UBAP2L: variants seen among roughly 807,000 people sequenced by gnomAD.
UBAP2L encodes the protein ubiquitin-associated protein 2-like.
A neutral mutation model predicts 130.6 loss-of-function variants in UBAP2L; 12 were observed. The observed-to-expected ratio is 0.09, with a 90% CI of 0.06 to 0.15. The LOEUF (loss-of-function observed/expected upper bound fraction) is 0.15. UBAP2L is among the 10% of genes least tolerant of loss of function. The pLI is 1.00. For synonymous variants in UBAP2L, 503 were observed against 524.7 expected (o/e 0.96, Z 0.57); for missense variants, 965 against 1,332.5 (o/e 0.72, Z 4.29).
At chr1:154,232,600 T>C (rs994500024) in intron 4 of UBAP2L, among the ~76,000 whole-genome samples, 2 of 152,138 alleles carry the variant, frequency 1.3e-5, no homozygotes. Context: ...TTAGGAAATA[T>C]AGGGAGAACA....
intron 1 of UBAP2L, 24 bp downstream of exon 1, chr1:154,220,999 T>G (rs1226238856): frequency 5.2e-6 from 1 of 193,394 alleles, no homozygotes; most frequent in Admixed American, 6.3e-5. Flanking sequence ...CGCAGCGGCG[T>G]TGGCGGCGGC....
chr1:154,271,000 T>C (rs1684647153), downstream of UBAP2L: 2 of 1,495,784 alleles, frequency 1.3e-6, no homozygotes, highest in Non-Finnish European at 1.8e-6. Flanking sequence ...CTTTAAGAAC[T>C]CCTGACCTTA....
At chr1:154,254,146 T>A in intron 15 of UBAP2L, 57 bp downstream of exon 15, 1 of 1,414,692 alleles carries the variant, frequency 7.1e-7, no homozygotes, top group Admixed American at 2.7e-5. Flanking sequence ...CAAAAATTCC[T>A]TAAATATTAG....
intron 2 of UBAP2L, 84 bp downstream of exon 2, chr1:154,225,297 T>C: frequency 1.4e-6 from 2 of 1,465,530 alleles, no homozygotes; most frequent in East Asian, 4.8e-5. Flanking sequence ...ATTCTGTGCT[T>C]TGAACTGTTG....
chr1:154,271,019 G>T, downstream of UBAP2L: 2 of 1,401,506 alleles, frequency 1.4e-6, no homozygotes, highest in Non-Finnish European at 2.0e-6. Flanking sequence ...TAATGTGGTA[G>T]TAGTATCTTG....
downstream of UBAP2L, chr1:154,271,237 T>C (rs1684667740): frequency 9.3e-6 from 3 of 323,998 alleles, no homozygotes; most frequent in Non-Finnish European, 1.2e-5. Context: ...AAATGCTTTA[T>C]AGAGTTTTAA....
rs1205590 is a variant in UBAP2L at position 154,266,429 on chromosome 1, T to C, written c.2903-72T>C. 14,960 of 1,489,312 alleles carry C rather than the reference T, an allele frequency of 0.01. 1,245 individuals are homozygous for C. The African/African-American group carries it at 0.18, about 18-fold the overall frequency. 92.3% of individuals were successfully genotyped at this position (1,489,312 alleles called of 1,614,324 possible). A position where few individuals can be genotyped will look rare whatever the true frequency, so the allele number is the denominator to read the frequency against. ...GGTATAGCTAGAAAGGCTACAGATA[T>C]CACCTCATCTCAGGAATAAGGGCCA... On this transcript the variant is annotated intron_variant, in intron 24 of 26. Coordinates refer to ENST00000428931, the MANE Select transcript of UBAP2L (RefSeq NM_014847.4).
rs1324083945 is a variant in UBAP2L, at chr1:154,251,761, AG to A, written c.1664+113del. 5.4e-5 allele frequency: 68 copies of A among 1,267,002 alleles called. 1 individual carries two copies. In the Admixed American group the frequency reaches 1.4e-3, roughly 27 times the overall value. 78.5% of individuals were successfully genotyped at this position (1,267,002 alleles called of 1,614,324 possible). On this transcript the variant is annotated intron_variant, in intron 14 of 26. Coordinates refer to ENST00000428931, the MANE Select transcript of UBAP2L (RefSeq NM_014847.4). ...GAGGCCAAGCCCCTCTGCATGGCTG[AG>A]GGGGAAAGTAGTCAGTCATAGCATT...
chr1:154,255,579 G>T, intron 17 of UBAP2L, 104 bp from the exon 18 acceptor site: 1 of 1,350,502 alleles, frequency 7.4e-7, no homozygotes, highest in Non-Finnish European at 1.1e-6. Context: ...AGACCTCCTT[G>T]GTGTCCCATA....
At chr1:154,222,316 C>G (rs1328905453) in intron 1 of UBAP2L, among the ~76,000 whole-genome samples, 2 of 152,124 alleles carry the variant, frequency 1.3e-5, no homozygotes, top group African/African-American at 4.8e-5. Context: ...GCTTTGAGAT[C>G]TGTCTCCATT....
chr1:154,220,197 A>G, upstream of UBAP2L: 4 of 1,039,886 alleles, frequency 3.8e-6, no homozygotes, highest in African/African-American at 1.6e-5. Flanking sequence ...AGTGACTTAA[A>G]CTCCCACCTA....
At chr1:154,222,481 G>A (rs1666585113) in intron 1 of UBAP2L, among the ~76,000 whole-genome samples, 1 of 152,188 alleles carries the variant, frequency 6.6e-6, no homozygotes, top group African/African-American at 2.4e-5. Context: ...AATATTGCTG[G>A]CACATAAACT....
chr1:154,223,610 A>C (rs749830811), intron 1 of UBAP2L, among the ~76,000 whole-genome samples: 3 of 152,130 alleles, frequency 2.0e-5, no homozygotes, highest in Non-Finnish European at 4.4e-5. Flanking sequence ...TCTAGCTTGA[A>C]ATACTTATGG....
rs1181682423 is a variant in UBAP2L, at chr1:154,260,913, G to C, written c.2600G>C (p.Arg867Pro). ...PYSGDLTKFG[R>P]GDASSPAPAT... ...ACAGGTGACCTCACAAAGTTCGGCC[G>C]TGGGGATGCCTCCTCCCCAGCCCCG... Residue 867 changes from arginine (R) to proline (P), a missense_variant, in exon 23 of 27, where the codon CGT (arginine) becomes CCT (proline). Around this residue, in one of 9 missense-constraint regions of UBAP2L, gnomAD observed 194 missense variants for 334.0 expected, o/e 0.58. Transcript: ENST00000428931. The C allele has an allele frequency of 1.2e-6, 2 of 1,614,072 alleles. No homozygotes were observed. The highest frequency in any genetic ancestry group is 1.7e-6 in the Non-Finnish European group (2 of 1,180,040).
In UBAP2L at chr1:154,246,373, A is replaced by G; in HGVS notation, c.1012A>G (p.Met338Val). The change falls in exon 11 of 27, where the codon ATG (methionine) becomes GTG (valine). Residue 338 changes from methionine (M) to valine (V), a missense_variant and splice_region_variant. By Grantham distance (21) the Met-to-Val change is conservative (BLOSUM62 1). Coordinates refer to ENST00000428931, the MANE Select transcript of UBAP2L (RefSeq NM_014847.4). ...AGGGAACACATTTTCTCATCACAGT[A>G]TGGTGAGTAGGAAACGTGGTTTATC... ...ASGNTFSHHSMVSMLGKGFGD... is the reference protein window; with the variant it reads ...ASGNTFSHHSVVSMLGKGFGD... 1 of 1,611,382 alleles carries G rather than the reference A, an allele frequency of 6.2e-7. No homozygotes were observed. Among genetic ancestry groups the G allele is most frequent in the Non-Finnish European group, 8.5e-7 (1 of 1,178,292 alleles).
intron 4 of UBAP2L, among the ~76,000 whole-genome samples, chr1:154,233,431 TCTC>T (rs930776458): frequency 6.6e-5 from 10 of 151,896 alleles, no homozygotes; most frequent in Non-Finnish European, 1.2e-4. Context: ...TTCAAGCAGT[TCTC>T]CTGCTTCAGC....
intron 10 of UBAP2L, 89 bp downstream of exon 10, chr1:154,243,391 C>T: frequency 8.9e-7 from 1 of 1,120,168 alleles, no homozygotes. Flanking sequence ...TTGTAAACTC[C>T]CATGGTGTCA....
chr1:154,253,802 A>T (rs543264224), intron 14 of UBAP2L, 98 bp from the exon 15 acceptor site: 3 of 1,264,298 alleles, frequency 2.4e-6, no homozygotes. Flanking sequence ...TCTTGATTCA[A>T]ATCAAGTTAT....
At chr1:154,268,983 C>T (rs1684126485) in intron 26 of UBAP2L, 29 bp downstream of exon 26, 1 of 1,609,316 alleles carries the variant, frequency 6.2e-7, no homozygotes, top group Non-Finnish European at 8.5e-7. Context: ...CTCTCCTTTC[C>T]CTTCCTCTTC....
Sources: allele counts gnomAD v4.1 joint callset (sites outside exome capture counted in the v4.1 genomes callset), GRCh38; gene constraint gnomAD v4.1.1; regional missense constraint gnomAD v4.1.1; transcripts MANE v1.5; gene names NCBI Gene and HGNC (gene_info 2026-07-23, HGNC 2026-07-21).